Variants in KNDC1 observed in about 807,000 individuals in gnomAD.
KNDC1 encodes kinase non-catalytic C-lobe domain-containing protein 1.
In KNDC1, 106 loss-of-function variants were observed where a neutral mutation model predicts 172.8. The observed-to-expected ratio is 0.61, with a 90% CI of 0.52 to 0.72. KNDC1 has a LOEUF of 0.72. Among genes scored for constraint, KNDC1 ranks in the 30% least tolerant of loss-of-function variants. KNDC1 has a pLI of 0.00. For missense variants in KNDC1, 2,325 were observed against 2,394.5 expected, an observed-to-expected ratio of 0.97 and a Z score of 0.61; for synonymous variants, 1,083 against 1,062.2, an observed-to-expected ratio of 1.02 and a Z score of -0.38.
intron 3 of KNDC1, among the ~76,000 whole-genome samples, chr10:133,170,627 TATTA>T (rs1853348082): frequency 1.3e-5 from 2 of 152,264 alleles, no homozygotes; most frequent in African/African-American, 4.8e-5. Flanking sequence ...TTAAGTTATC[TATTA>T]ATTCATTTAA....
At chr10:133,198,036 C>G (rs1205931316) in intron 12 of KNDC1, among the ~76,000 whole-genome samples, 4 of 151,990 alleles carry the variant, frequency 2.6e-5, no homozygotes, top group Non-Finnish European at 4.4e-5. Context: ...TCTGGAGACC[C>G]CCAGAGTCCA....
intron 1 of KNDC1, among the ~76,000 whole-genome samples, chr10:133,164,455 G>A (rs1315079734): frequency 6.6e-6 from 1 of 152,212 alleles, no homozygotes; most frequent in Non-Finnish European, 1.5e-5. Flanking sequence ...TGGGGCCCTC[G>A]TGGGTGCTGG....
chr10:133,174,999 A>T (rs1201402475), intron 3 of KNDC1, among the ~76,000 whole-genome samples: 1 of 141,694 alleles, frequency 7.1e-6, no homozygotes, highest in Middle Eastern at 4.1e-3. Context: ...TGGATGGTGG[A>T]TATGTGAATG....
Position 133,198,782 on chromosome 10 carries a change from C to A in KNDC1, c.2274C>A (p.Arg758=). Reference sequence around the variant, plus strand: ...TGCAGCGTGACTCAGCCCAGGGCCGCCCCTGCCCTCCACCCCAGGCCCCAG... The same window carrying A: ...TGCAGCGTGACTCAGCCCAGGGCCGACCCTGCCCTCCACCCCAGGCCCCAG... ...ASVQRDSAQG[R]PCPPPQAPAN... Residue 758 remains arginine (R), a synonymous_variant, in exon 14 of 30, where the codon CGC becomes CGA. Transcript: ENST00000304613. 1 of 1,587,780 alleles carries A rather than the reference C, an allele frequency of 6.3e-7. No individual in the cohort carries two copies. Among genetic ancestry groups the A allele is most frequent in the Non-Finnish European group, 8.6e-7 (1 of 1,167,410 alleles).
In KNDC1 at chr10:133,224,249, T is replaced by G. The variant is rs1245853278; in HGVS notation, c.5019-410T>G. On this transcript the variant is annotated intron_variant, in intron 29 of 29. Coordinates refer to ENST00000304613, the MANE Select transcript of KNDC1 (RefSeq NM_152643.8). This position sits in a 1 kb window ranked among gnomAD's most constrained non-coding sequence, Gnocchi z 5.4. ...TGTGCTGGTCACTGTCAACCAGCTG[T>G]CCCAGGCTTCCGGCCCTGGGCCCCG... 6.6e-6 allele frequency among the ~76,000 whole-genome samples: 1 copy of G among 152,178 alleles called. No homozygotes were observed. The highest frequency in any genetic ancestry group is 1.9e-4 in the East Asian group (1 of 5,190).
At position 133,219,054 on chromosome 10, in the gene KNDC1, G is replaced by A. The variant is rs1038518540; in HGVS notation, c.4824G>A (p.Lys1608=). 1.2e-6 allele frequency: 2 copies of A among 1,613,936 alleles called. No homozygotes were observed. Among genetic ancestry groups the A allele is most frequent in the Non-Finnish European group, 1.7e-6 (2 of 1,179,992 alleles). ...AGGCCTGGAGAATTCTGCCTGCAAA[G>A]ATAGCAGAGGTCATGGAGGAGCTGA... is the stretch of plus-strand genomic sequence containing the variant. ...QSPAWRILPA[K]IAEVMEELKA... The change falls in exon 28 of 30, where the codon AAG becomes AAA. Residue 1608 remains lysine, a synonymous_variant. Coordinates refer to ENST00000304613, the MANE Select transcript of KNDC1 (RefSeq NM_152643.8).
At chr10:133,213,933 C>A (rs1459410471) in intron 25 of KNDC1, 39 bp from the exon 26 acceptor site, 1 of 1,612,964 alleles carries the variant, frequency 6.2e-7, no homozygotes, top group Non-Finnish European at 8.5e-7. Flanking sequence ...GGCCACTGCA[C>A]AAGTCCTGGG....
chr10:133,202,959 G>A (rs918177506), intron 17 of KNDC1, among the ~76,000 whole-genome samples: 3 of 151,698 alleles, frequency 2.0e-5, no homozygotes, highest in East Asian at 2.0e-4. Flanking sequence ...GCCCCCAAAC[G>A]CAGGGAGTCC....
At chr10:133,203,038 G>A (rs1468315242) in intron 17 of KNDC1, among the ~76,000 whole-genome samples, 9 of 151,728 alleles carry the variant, frequency 5.9e-5, no homozygotes, top group African/African-American at 2.2e-4. Flanking sequence ...AACGCATGGC[G>A]TCCAGCGGGG....
chr10:133,188,562 G>A lies in KNDC1; in HGVS notation c.1350G>A (p.Leu450=). ...AGTGGGTGTCCCTGCAGGACCTCCT[G>A]TCCCAGCTGGGCCGGCCCTTCCGGG... is the stretch of plus-strand genomic sequence containing the variant. The part of the protein sequence containing the change: ...AEQWVSLQDL[L]SQLGRPFREY... The change falls in exon 7 of 30, where the codon CTG becomes CTA. Residue 450 remains leucine, a synonymous_variant. Coordinates refer to ENST00000304613, the MANE Select transcript of KNDC1 (RefSeq NM_152643.8). The A allele has an allele frequency of 2.5e-6, 4 of 1,578,900 alleles. No individual in the cohort carries two copies. Among genetic ancestry groups the A allele is most frequent in the Non-Finnish European group, 3.4e-6 (4 of 1,162,866 alleles).
chr10:133,210,535 C>G, intron 20 of KNDC1, 76 bp from the exon 21 acceptor site: 1 of 848,458 alleles, frequency 1.2e-6, no homozygotes, highest in East Asian at 2.4e-5. Context: ...TACAGTCACA[C>G]CCCACCACCG....
At chr10:133,215,307 T>C (rs1334146010) in intron 26 of KNDC1, among the ~76,000 whole-genome samples, 1 of 152,226 alleles carries the variant, frequency 6.6e-6, no homozygotes, top group Non-Finnish European at 1.5e-5. Flanking sequence ...AGTACCTCCC[T>C]GCCAGGCGGC....
intron 3 of KNDC1, among the ~76,000 whole-genome samples, chr10:133,181,123 C>T (rs560562348): frequency 1.8e-4 from 28 of 151,398 alleles, no homozygotes; most frequent in African/African-American, 5.8e-4. Flanking sequence ...AGACGCCACA[C>T]GGGGCACCCA....
At position 133,210,626 on chromosome 10, in the gene KNDC1, G is replaced by A; in HGVS notation, c.3810G>A (p.Glu1270=). ...CGCCCCACAGTGATGCCTTCCTGGA[G>A]GGTTATGTGCAGCAATTCCTCTACA... ...AYLYSSDAFL[E]GYVQQFLYTF... is the part of the protein sequence containing the mutation. The change falls in exon 21 of 30, where the codon GAG becomes GAA. Residue 1270 remains glutamate (E), a synonymous_variant. Transcript: ENST00000304613. The A allele has an allele frequency of 1.2e-6, 2 of 1,613,070 alleles. No individual in the cohort carries two copies. The highest frequency in any genetic ancestry group is 1.1e-5 in the South Asian group (1 of 91,046).
intron 9 of KNDC1, among the ~76,000 whole-genome samples, chr10:133,190,408 CTAAGCACCCTGCAG>C: frequency 1.3e-5 from 2 of 152,032 alleles, no homozygotes; most frequent in African/African-American, 2.4e-5. Flanking sequence ...GCACCCTGCA[CTAAGCACCCTGCAG>C]TAAGCACCCT....
intron 29 of KNDC1, among the ~76,000 whole-genome samples, chr10:133,221,354 C>T (rs1845584421): frequency 6.6e-6 from 1 of 152,164 alleles, no homozygotes; most frequent in Non-Finnish European, 1.5e-5. Flanking sequence ...AACCTACCAC[C>T]ACGACCCACA....
chr10:133,196,382 ACT>A (rs1414028874), intron 10 of KNDC1, among the ~76,000 whole-genome samples: 2 of 151,874 alleles, frequency 1.3e-5, no homozygotes, highest in African/African-American at 4.8e-5. Context: ...CAGGAGCCAA[ACT>A]CTCATGTGTC....
Position 133,202,731 on chromosome 10 carries a change from C to G in KNDC1, c.3387+833C>G, listed in dbSNP as rs776070725. 13 of 451,306 alleles carry G rather than the reference C, an allele frequency of 2.9e-5. No individual in the cohort carries two copies. In the Admixed American group the frequency reaches 2.9e-4, roughly 10 times the overall value. 28.0% of individuals were successfully genotyped at this position (451,306 alleles called of 1,614,324 possible). The stretch of plus-strand genomic sequence containing the variant: ...CTCAGTCCAGAACATGACCCGGTGT[C>G]CCTTCAGGGCAGGTGAGGGGACAGG... On this transcript the variant is annotated intron_variant, in intron 17 of 29. Coordinates refer to ENST00000304613, the MANE Select transcript of KNDC1 (RefSeq NM_152643.8).
intron 9 of KNDC1, 135 bp downstream of exon 9, chr10:133,189,948 C>T (rs924696144): frequency 4.1e-5 from 31 of 763,526 alleles, no homozygotes; most frequent in East Asian, 2.1e-4. Context: ...CGGCCACAGG[C>T]GGTATCTGCC....
Sources: gnomAD v4.1 joint callset for allele counts (sites outside exome capture counted in the v4.1 genomes callset) on GRCh38, gnomAD v4.1.1 for gene constraint, Gnocchi (gnomAD v3.1) non-coding constraint, MANE v1.5 for transcripts, NCBI Gene and HGNC (gene_info 2026-07-23, HGNC 2026-07-21) for gene names.